The following NDST4 variants were observed in gnomAD, a reference collection of about 807,000 sequenced individuals.
The protein encoded by NDST4 is N-heparan sulfate sulfotransferase 4.
NDST4 carries 63 observed loss-of-function variants against 100.8 expected under a neutral mutation model. The ratio of observed to expected loss-of-function variants is 0.62; its 90% confidence interval spans 0.51 to 0.77. NDST4 has a LOEUF of 0.77. Among genes scored for constraint, NDST4 ranks in the 30% least tolerant of loss-of-function variants. The probability of loss-of-function intolerance (pLI) is 0.00; values close to 1 mark genes in which losing one functional copy is unlikely to be tolerated. For synonymous variants in NDST4, 377 were observed against 361.8 expected (o/e 1.04, Z -0.48); for missense variants, 943 against 1,018.4 (o/e 0.93, Z 1.01).
At chr4:114,885,408 A>G (rs1272310721) in intron 6 of NDST4, among the ~76,000 whole-genome samples, 1 of 152,130 alleles carries the variant, frequency 6.6e-6, no homozygotes, top group African/African-American at 2.4e-5. Context: ...CTCAACAAAC[A>G]GCTGCAGTAA....
intron 6 of NDST4, among the ~76,000 whole-genome samples, chr4:114,902,303 T>C (rs1724858314): frequency 6.6e-6 from 1 of 151,966 alleles, no homozygotes; most frequent in Non-Finnish European, 1.5e-5. Flanking sequence ...TTTTTGCTTT[T>C]CTAACAAAGT....
chr4:114,926,000 T>C (rs1445883871), intron 6 of NDST4, among the ~76,000 whole-genome samples: 1 of 152,094 alleles, frequency 6.6e-6, no homozygotes, highest in Admixed American at 6.5e-5. Flanking sequence ...TTTTATAGGG[T>C]AGTGTCTCAA....
At chr4:114,937,868 C>T (rs1041927135) in intron 4 of NDST4, among the ~76,000 whole-genome samples, 1 of 137,772 alleles carries the variant, frequency 7.3e-6, no homozygotes, top group Non-Finnish European at 1.5e-5. Context: ...GCATAGAATG[C>T]GTGTGTACGT....
chr4:114,848,183 T>C, intron 9 of NDST4, 32 bp downstream of exon 9: 1 of 1,570,066 alleles, frequency 6.4e-7, no homozygotes, highest in South Asian at 1.2e-5. Flanking sequence ...CATGTGTTAA[T>C]AATGGAATTT....
intron 4 of NDST4, among the ~76,000 whole-genome samples, chr4:114,951,549 C>G (rs535752703): frequency 2.6e-5 from 4 of 152,186 alleles, no homozygotes; most frequent in African/African-American, 9.6e-5. Flanking sequence ...CACTTATGTG[C>G]CAATTACTCT....
rs564866121 is a variant in NDST4, at chr4:115,029,114, G to T, written c.978+46945C>A. On this transcript the variant is annotated intron_variant, in intron 2 of 13. Transcript: ENST00000264363. ...GTGCAGCAATCCCAGGGGGAAATATGTCATTATCACACTTTCAAATCAAGG... is the reference window on the plus strand; with the variant it reads ...GTGCAGCAATCCCAGGGGGAAATATTTCATTATCACACTTTCAAATCAAGG... Among the ~76,000 whole-genome samples, 25 of 152,164 alleles carry T rather than the reference G, an allele frequency of 1.6e-4. 1 individual carries two copies. The South Asian group carries it at 4.4e-3, about 26-fold the overall frequency.
At chr4:114,988,583 A>G (rs1473434468) in intron 2 of NDST4, among the ~76,000 whole-genome samples, 2 of 151,576 alleles carry the variant, frequency 1.3e-5, no homozygotes, top group East Asian at 2.0e-4. Flanking sequence ...GGATGGTCTC[A>G]ATCTCCTGAC....
chr4:115,042,731 C>T (rs571839545), intron 2 of NDST4, among the ~76,000 whole-genome samples: 1 of 152,034 alleles, frequency 6.6e-6, no homozygotes, highest in Non-Finnish European at 1.5e-5. Flanking sequence ...CTACTGCACT[C>T]ATTATATACT....
chr4:114,933,009 G>C (rs1725546021), intron 6 of NDST4, among the ~76,000 whole-genome samples: 1 of 152,140 alleles, frequency 6.6e-6, no homozygotes, highest in South Asian at 2.1e-4. Context: ...ACCCAGAATA[G>C]TCAAAGCAAT....
At chr4:114,996,493 T>G (rs943518239) in intron 2 of NDST4, among the ~76,000 whole-genome samples, 1 of 152,080 alleles carries the variant, frequency 6.6e-6, no homozygotes, top group Non-Finnish European at 1.5e-5. Context: ...TTCCCAATTT[T>G]GTGTATGAAA....
intron 6 of NDST4, among the ~76,000 whole-genome samples, chr4:114,882,529 A>G (rs1724391745): frequency 6.6e-6 from 1 of 152,012 alleles, no homozygotes; most frequent in African/African-American, 2.4e-5. Context: ...CCAGGCAACA[A>G]ATTAGTGAGC....
chr4:115,087,898 T>C (rs776415466), intron 1 of NDST4, among the ~76,000 whole-genome samples: 52 of 152,040 alleles, frequency 3.4e-4, no homozygotes, highest in Non-Finnish European at 6.8e-4. Flanking sequence ...TGAAAACCCA[T>C]AATATTAAAA....
At position 115,079,061 on chromosome 4, in the gene NDST4, A is replaced by G. The variant is rs547945193; in HGVS notation, c.-246-1779T>C. On this transcript the variant is annotated intron_variant, in intron 1 of 13. Coordinates refer to ENST00000264363, the MANE Select transcript of NDST4 (RefSeq NM_022569.3). ...TTAAAAAAAAAATTTCCCATTATACACTACATTACTACAGGCACGGTGGCT... is the reference window on the plus strand; with the variant it reads ...TTAAAAAAAAAATTTCCCATTATACGCTACATTACTACAGGCACGGTGGCT... 8.5e-5 allele frequency among the ~76,000 whole-genome samples: 13 copies of G among 152,090 alleles called. No homozygotes were observed. In the South Asian group the frequency reaches 2.7e-3, roughly 32 times the overall value.
intron 2 of NDST4, among the ~76,000 whole-genome samples, chr4:115,067,189 C>T (rs1021137622): frequency 6.6e-6 from 1 of 152,126 alleles, no homozygotes; most frequent in Non-Finnish European, 1.5e-5. Flanking sequence ...CTGGGCCATC[C>T]ACCCAATTCT....
intron 2 of NDST4, among the ~76,000 whole-genome samples, chr4:114,984,443 A>T (rs927536697): frequency 1.3e-5 from 2 of 152,056 alleles, no homozygotes; most frequent in Non-Finnish European, 2.9e-5. Flanking sequence ...TGCTGGGATT[A>T]CAGGCATGAG....
chr4:115,027,081 A>G (rs1176060984), intron 2 of NDST4, among the ~76,000 whole-genome samples: 1 of 152,094 alleles, frequency 6.6e-6, no homozygotes, highest in East Asian at 1.9e-4. Context: ...TGGAGTGTTC[A>G]TGGGTTCTTT....
intron 10 of NDST4, among the ~76,000 whole-genome samples, chr4:114,844,328 G>A (rs1175615796): frequency 6.6e-6 from 1 of 152,110 alleles, no homozygotes. Flanking sequence ...TTTTTCAAAG[G>A]CTTTCAGTTG....
At chr4:114,972,154 A>G (rs1726529248) in intron 3 of NDST4, among the ~76,000 whole-genome samples, 1 of 152,022 alleles carries the variant, frequency 6.6e-6, no homozygotes, top group African/African-American at 2.4e-5. Context: ...GGATCCCTTT[A>G]CCTTGTACTG....
At chr4:115,067,073 G>A (rs566998829) in intron 2 of NDST4, among the ~76,000 whole-genome samples, 24 of 151,954 alleles carry the variant, frequency 1.6e-4, no homozygotes, top group Admixed American at 7.9e-4. Context: ...GCTCATTCCC[G>A]CAAGCCCGGG....
Sources: gnomAD v4.1 joint callset for allele counts (sites outside exome capture counted in the v4.1 genomes callset) on GRCh38, gnomAD v4.1.1 for gene constraint, MANE v1.5 for transcripts, NCBI Gene and HGNC (gene_info 2026-07-23, HGNC 2026-07-21) for gene names.